The following RARA variants were observed in gnomAD, a reference collection of about 807,000 sequenced individuals.
RARA encodes PML-DDX5-RARA fusion.
In RARA, 5 loss-of-function variants were observed where a neutral mutation model predicts 42.8. That is an observed-to-expected ratio of 0.12 (90% CI 0.06 to 0.25). The LOEUF (loss-of-function observed/expected upper bound fraction) is 0.25, where lower values mean the gene tolerates loss of function less well. RARA is among the 10% of genes least tolerant of loss of function. The probability of loss-of-function intolerance (pLI) is 1.00; values close to 1 mark genes in which losing one functional copy is unlikely to be tolerated. For synonymous variants in RARA, 256 were observed against 259.5 expected (o/e 0.99, Z 0.13); for missense variants, 402 against 628.7 (o/e 0.64, Z 3.86).
At chr17:40,341,241 C>T in intron 2 of RARA, 3 of 1,066,276 alleles carry the variant, frequency 2.8e-6, no homozygotes, top group Non-Finnish European at 3.8e-6. Flanking sequence ...GCACCAGGGG[C>T]CGGTACTGGT....
In RARA at chr17:40,351,159, A is replaced by C. The variant is rs186131897; in HGVS notation, c.470-751A>C. ...TCTCCCTCTCCCTTCTCTCCCCTGC[A>C]CTTTATTGAATTTGCAGAATCGACA... On this transcript the variant is annotated intron_variant, in intron 4 of 8. Transcript: ENST00000254066. This position sits in a 1 kb window ranked among gnomAD's most constrained non-coding sequence, Gnocchi z 4.1. 1.9e-4 allele frequency among the ~76,000 whole-genome samples: 28 copies of C among 143,856 alleles called. No homozygotes were observed. The East Asian group carries it at 5.5e-3, about 28-fold the overall frequency. 94.4% of individuals were successfully genotyped at this position (143,856 alleles called of 152,430 possible).
intron 2 of RARA, among the ~76,000 whole-genome samples, chr17:40,346,291 G>A (rs887099414): frequency 4.6e-5 from 7 of 151,546 alleles, no homozygotes; most frequent in Admixed American, 2.6e-4. Flanking sequence ...AGCTCCCCTC[G>A]TGACATCCCG....
At position 40,355,188 on chromosome 17, in the gene RARA, G is replaced by GCC. The variant is rs1277541625; in HGVS notation, c.1013-74_1013-73insCC. 9 of 1,488,720 alleles carry GCC rather than the reference G, an allele frequency of 6.0e-6. No homozygotes were observed. Among genetic ancestry groups the GCC allele is most frequent in the Admixed American group, 2.2e-5 (1 of 44,634 alleles). The allele number at this position is 1,488,720 out of a possible 1,614,324, so 92.2% of individuals were successfully genotyped here. A position where few individuals can be genotyped will look rare whatever the true frequency, so the allele number is the denominator to read the frequency against. ...CTGCCCTCCTCCATGGCCTGGGCAG[G>GCC]CACGCCCCCCGGTGGCCGAGGCTGG... On this transcript the variant is annotated intron_variant, in intron 7 of 8. Transcript: ENST00000254066. The surrounding 1 kb of genome is among the most constrained non-coding windows in gnomAD (Gnocchi z 4.1).
chr17:40,354,530 G>A lies in RARA; in HGVS notation c.1012+24G>A, dbSNP rs915710371. The A allele has an allele frequency of 6.2e-7, 1 of 1,607,422 alleles. No individual in the cohort carries two copies. The highest frequency in any genetic ancestry group is 1.3e-5 in the African/African-American group (1 of 74,922). The stretch of plus-strand genomic sequence containing the variant: ...AGGTGGGCAGGGGGCCTGGGTCTGG[G>A]GGCTGGGCTGGGACGGGGGTGCAGC... On this transcript the variant is annotated intron_variant, in intron 7 of 8. Coordinates refer to ENST00000254066, the MANE Select transcript of RARA (RefSeq NM_000964.4). The surrounding 1 kb of genome is among the most constrained non-coding windows in gnomAD (Gnocchi z 4.5).
At chr17:40,314,001 A>C (rs1408866190) in intron 1 of RARA, among the ~76,000 whole-genome samples, 2 of 152,156 alleles carry the variant, frequency 1.3e-5, no homozygotes, top group Non-Finnish European at 2.9e-5. Flanking sequence ...AGCACTGAGC[A>C]CAGGAATTAT....
Position 40,355,128 on chromosome 17 carries a change from C to A in RARA, c.1013-135C>A. The A allele has an allele frequency of 8.9e-7, 1 of 1,122,554 alleles. No homozygotes were observed. Among genetic ancestry groups the A allele is most frequent in the Admixed American group, 2.9e-5 (1 of 34,742 alleles). 69.5% of individuals were successfully genotyped at this position (1,122,554 alleles called of 1,614,324 possible). ...TCTGTACCCTGCGGCAGCAGAGACC[C>A]CATGCCCTGCCCTGTGTGGGGAGGC... On this transcript the variant is annotated intron_variant, in intron 7 of 8. Transcript: ENST00000254066. The surrounding 1 kb of genome is among the most constrained non-coding windows in gnomAD (Gnocchi z 4.1).
In RARA at chr17:40,352,146, CCTT is replaced by C; in HGVS notation, c.630+80_630+82del. 1 of 1,469,084 alleles carries C rather than the reference CCTT, an allele frequency of 6.8e-7. No homozygotes were observed. The allele number at this position is 1,469,084 out of a possible 1,614,324, so 91.0% of individuals were successfully genotyped here. On this transcript the variant is annotated intron_variant, in intron 5 of 8. Coordinates refer to ENST00000254066, the MANE Select transcript of RARA (RefSeq NM_000964.4). The surrounding 1 kb of genome is among the most constrained non-coding windows in gnomAD (Gnocchi z 4.9). ...CCAGGATGGGCCCCTCTCAGGCACC[CCTT>C]CTTGTGCCAGGCAAGATCTCTGCGT...
Position 40,355,316 on chromosome 17 carries a change from C to T in RARA, c.1066C>T (p.Leu356=), listed in dbSNP as rs1423553364. 6.2e-7 allele frequency: 1 copy of T among 1,608,540 alleles called. No homozygotes were observed. The highest frequency in any genetic ancestry group is 8.5e-7 in the Non-Finnish European group (1 of 1,177,368). ...GGTGGACATGCTGCAGGAGCCGCTG[C>T]TGGAGGCGCTAAAGGTCTACGTGCG... The part of the protein sequence containing the change: ...DRVDMLQEPL[L]EALKVYVRKR... The change falls in exon 8 of 9, where the codon CTG becomes TTG. Residue 356 remains leucine, a synonymous_variant. Transcript: ENST00000254066. This position sits in a 1 kb window ranked among gnomAD's most constrained non-coding sequence, Gnocchi z 4.1.
intron 2 of RARA, among the ~76,000 whole-genome samples, chr17:40,333,340 G>A (rs566097791): frequency 3.7e-4 from 57 of 152,056 alleles, no homozygotes; most frequent in African/African-American, 1.2e-3. Flanking sequence ...GAGCCAACGC[G>A]CCTGGCCATT....
chr17:40,332,250 G>C (rs755412747), intron 2 of RARA, among the ~76,000 whole-genome samples: 3 of 152,126 alleles, frequency 2.0e-5, no homozygotes, highest in Admixed American at 6.5e-5. Flanking sequence ...CCAGGGCTGG[G>C]GGGAGGAGGG....
intron 1 of RARA, among the ~76,000 whole-genome samples, chr17:40,312,182 G>A (rs1445556636): frequency 1.3e-5 from 2 of 152,152 alleles, no homozygotes; most frequent in African/African-American, 4.8e-5. Context: ...TGCCCTTTGG[G>A]TGCCCACAAT....
chr17:40,330,238 T>C (rs191832748), intron 1 of RARA, among the ~76,000 whole-genome samples: 32 of 152,240 alleles, frequency 2.1e-4, no homozygotes, highest in Non-Finnish European at 4.1e-4. Flanking sequence ...ACACATCGCC[T>C]ACCCCTGGAC....
chr17:40,327,066 G>C, intron 1 of RARA, among the ~76,000 whole-genome samples: 1 of 152,092 alleles, frequency 6.6e-6, no homozygotes, highest in East Asian at 1.9e-4. Flanking sequence ...TCTGATAGGG[G>C]TCTGGGGAGG....
rs1055368873 is a variant in RARA at position 40,320,327 on chromosome 17, C to G, written c.-362-10530C>G. ...CCCCTTCCTACTCCCAACCTTGAGG[C>G]AGCCTGGCAGGAAGCCAGCTGTGGG... On this transcript the variant is annotated intron_variant, in intron 1 of 8. Coordinates refer to ENST00000254066, the MANE Select transcript of RARA (RefSeq NM_000964.4). The surrounding 1 kb of genome is among the most constrained non-coding windows in gnomAD (Gnocchi z 4.1). 2.6e-5 allele frequency among the ~76,000 whole-genome samples: 4 copies of G among 152,136 alleles called. No individual in the cohort carries two copies. Among genetic ancestry groups the G allele is most frequent in the Non-Finnish European group, 2.9e-5 (2 of 68,022 alleles).
At chr17:40,321,094 G>A (rs1046003663) in intron 1 of RARA, among the ~76,000 whole-genome samples, 1 of 152,022 alleles carries the variant, frequency 6.6e-6, no homozygotes, top group African/African-American at 2.4e-5. Flanking sequence ...CACAGTTTGT[G>A]GGGGGATGCA....
intron 1 of RARA, among the ~76,000 whole-genome samples, chr17:40,324,911 C>T (rs1426573438): frequency 6.6e-6 from 1 of 152,122 alleles, no homozygotes; most frequent in Non-Finnish European, 1.5e-5. Context: ...ATCCCAGCCA[C>T]CCTCAGGTGA....
At chr17:40,314,173 C>T (rs370262953) in intron 1 of RARA, among the ~76,000 whole-genome samples, 27 of 5,858 alleles carry the variant, frequency 4.6e-3, no homozygotes, top group Admixed American at 0.014. Context: ...AGGGATATGG[C>T]GGGTGGAGGG....
chr17:40,319,761 CG>C (rs1567745728), intron 1 of RARA, among the ~76,000 whole-genome samples: 4 of 146,184 alleles, frequency 2.7e-5, no homozygotes, highest in African/African-American at 7.4e-5. Context: ...GAGGCTGTGC[CG>C]GGGAAGCCCC....
chr17:40,336,847 C>T (rs569876276), intron 2 of RARA, among the ~76,000 whole-genome samples: 3 of 152,064 alleles, frequency 2.0e-5, no homozygotes, highest in East Asian at 3.9e-4. Context: ...AGGCGTGTGC[C>T]GCTACGCCCA....
Sources: gnomAD v4.1 joint callset for allele counts (sites outside exome capture counted in the v4.1 genomes callset) on GRCh38, gnomAD v4.1.1 for gene constraint, Gnocchi (gnomAD v3.1) non-coding constraint, MANE v1.5 for transcripts, NCBI Gene and HGNC (gene_info 2026-07-23, HGNC 2026-07-21) for gene names.